TRPM3: variants seen among roughly 807,000 people sequenced by gnomAD.
TRPM3 encodes transient receptor potential cation channel subfamily M member 3, also known as long transient receptor potential channel 3.
A neutral mutation model predicts 181.2 loss-of-function variants in TRPM3; 77 were observed. That is an observed-to-expected ratio of 0.42 (90% CI 0.35 to 0.51). The LOEUF (loss-of-function observed/expected upper bound fraction) is 0.51, where lower values mean the gene tolerates loss of function less well. TRPM3 is among the 20% of genes least tolerant of loss of function. The pLI is 0.01. For missense variants in TRPM3, 1,759 were observed against 2,196.7 expected (o/e 0.80, Z 3.98); for synonymous variants, 745 against 796.4 (o/e 0.94, Z 1.09).
At chr9:70,633,837 C>A (rs1397000454) in intron 12 of TRPM3, among the ~76,000 whole-genome samples, 1 of 152,140 alleles carries the variant, frequency 6.6e-6, no homozygotes, top group Non-Finnish European at 1.5e-5. Context: ...GTCCTGTGGA[C>A]TTTGGTGAAG....
At position 70,848,715 on chromosome 9, in the gene TRPM3, C is replaced by T. The variant is rs574495318; in HGVS notation, c.463-2124G>A. ...TTACCTGGCCGGGCGCGGTGGCTCA[C>T]GCCTGTAATCCCAGCACTTTGGGAG... On this transcript the variant is annotated intron_variant, in intron 3 of 25. Transcript: ENST00000677713. 5.9e-4 allele frequency among the ~76,000 whole-genome samples: 17 copies of T among 28,788 alleles called. 5 individuals are homozygous for T. In the South Asian group the frequency reaches 0.017, roughly 28 times the overall value. The allele number at this position is 28,788 out of a possible 152,430, so 18.9% of individuals were successfully genotyped here.
At chr9:71,181,362 C>G (rs1178683467) in intron 1 of TRPM3, among the ~76,000 whole-genome samples, 1 of 96,426 alleles carries the variant, frequency 1.0e-5, no homozygotes, top group Admixed American at 1.6e-4. Flanking sequence ...GAATGGGAAA[C>G]TGCAATTTTT....
intron 1 of TRPM3, among the ~76,000 whole-genome samples, chr9:70,935,062 T>C (rs1272472860): frequency 6.6e-6 from 1 of 152,158 alleles, no homozygotes; most frequent in African/African-American, 2.4e-5. Flanking sequence ...TCATCTTCCA[T>C]CACTTCCCCA....
intron 22 of TRPM3, among the ~76,000 whole-genome samples, chr9:70,574,544 T>C (rs1337611190): frequency 6.6e-6 from 1 of 152,238 alleles, no homozygotes; most frequent in African/African-American, 2.4e-5. Flanking sequence ...CTTCATCACA[T>C]ACTTAGCAGA....
intron 1 of TRPM3, among the ~76,000 whole-genome samples, chr9:71,156,240 T>G (rs2075993051): frequency 6.6e-6 from 1 of 152,026 alleles, no homozygotes; most frequent in South Asian, 2.1e-4. Flanking sequence ...TTTTCCTGGT[T>G]TGAATACTAA....
At chr9:70,893,693 C>T (rs185654446) in intron 1 of TRPM3, among the ~76,000 whole-genome samples, 7 of 152,236 alleles carry the variant, frequency 4.6e-5, no homozygotes, top group East Asian at 1.9e-4. Context: ...GGAAGCAAAG[C>T]GCCCTCCTCC....
intron 1 of TRPM3, among the ~76,000 whole-genome samples, chr9:71,324,581 T>A (rs1464860448): frequency 6.6e-6 from 1 of 151,672 alleles, no homozygotes; most frequent in East Asian, 1.9e-4. Flanking sequence ...AAACTAAAAA[T>A]AAAATTACCA....
rs559735995 is a variant in TRPM3, at chr9:70,583,315, C to T, written c.3223+7716G>A. ...AGTGAACGCTACACTTCATAGCTTGCGCATGCTTTGCGGGCTCAGGCTACA... is the reference window on the plus strand; with the variant it reads ...AGTGAACGCTACACTTCATAGCTTGTGCATGCTTTGCGGGCTCAGGCTACA... On this transcript the variant is annotated intron_variant, in intron 22 of 25. Transcript: ENST00000677713. Among the ~76,000 whole-genome samples, 21 of 152,326 alleles carry T rather than the reference C, an allele frequency of 1.4e-4. No individual in the cohort carries two copies. In the South Asian group the frequency reaches 2.3e-3, roughly 17 times the overall value.
chr9:71,295,949 G>C (rs2086226146), intron 1 of TRPM3, among the ~76,000 whole-genome samples: 1 of 152,100 alleles, frequency 6.6e-6, no homozygotes, highest in South Asian at 2.1e-4. Flanking sequence ...TGAGATCCAG[G>C]CTCCAGCCCT....
intron 1 of TRPM3, among the ~76,000 whole-genome samples, chr9:71,186,622 C>T (rs891810474): frequency 2.0e-5 from 3 of 151,862 alleles, no homozygotes; most frequent in African/African-American, 7.3e-5. Flanking sequence ...CAGCCCAGAC[C>T]AAGTTAGGGA....
chr9:71,083,528 T>G (rs1461427073), intron 1 of TRPM3, among the ~76,000 whole-genome samples: 1 of 152,052 alleles, frequency 6.6e-6, no homozygotes, highest in Non-Finnish European at 1.5e-5. Flanking sequence ...CACAATGCTC[T>G]GACTATACAC....
chr9:70,678,318 G>A (rs546177846), intron 9 of TRPM3, among the ~76,000 whole-genome samples: 1 of 151,674 alleles, frequency 6.6e-6, no homozygotes, highest in Non-Finnish European at 1.5e-5. Context: ...CCTAGGCTGG[G>A]GTGCAGTGGT....
chr9:71,037,750 C>T (rs2058378149), intron 1 of TRPM3, among the ~76,000 whole-genome samples: 1 of 152,178 alleles, frequency 6.6e-6, no homozygotes, highest in Non-Finnish European at 1.5e-5. Context: ...CAGATGTAAT[C>T]AGTAATATGC....
At chr9:71,198,083 T>G (rs1354725265) in intron 1 of TRPM3, among the ~76,000 whole-genome samples, 2 of 148,194 alleles carry the variant, frequency 1.3e-5, no homozygotes, top group African/African-American at 4.9e-5. Flanking sequence ...TTCAGCTTTC[T>G]ACATATGGCT....
At chr9:71,151,276 T>C (rs989811177) in intron 1 of TRPM3, among the ~76,000 whole-genome samples, 2 of 151,986 alleles carry the variant, frequency 1.3e-5, no homozygotes, top group African/African-American at 2.4e-5. Context: ...TTTTCCAATA[T>C]GGAAAGAGTT....
At chr9:70,547,563 A>G (rs552766828) in intron 25 of TRPM3, among the ~76,000 whole-genome samples, 1 of 150,708 alleles carries the variant, frequency 6.6e-6, no homozygotes, top group African/African-American at 2.4e-5. Flanking sequence ...ACCCAACAAC[A>G]ATGACAACAA....
chr9:71,265,362 T>C lies in TRPM3; in HGVS notation c.183+181291A>G, dbSNP rs1207361010. ...TGCAGCTTATTAAATTTATTGCTCA[T>C]AGTATTTGCAAGAGGAAATCATTTG... On this transcript the variant is annotated intron_variant, in intron 1 of 24. Transcript: ENST00000357533. 5.3e-5 allele frequency among the ~76,000 whole-genome samples: 8 copies of C among 152,208 alleles called. 1 individual carries two copies. Among genetic ancestry groups the C allele is most frequent in the Admixed American group, 5.2e-4 (8 of 15,284 alleles).
rs189696385 is a variant in TRPM3 at position 71,138,236 on chromosome 9, G to A, written c.184-273725C>T. ...TTGCTTTCTCAAACTCACACACTGG[G>A]GTCCATATCAAAGGTCTCTATGGCA... On this transcript the variant is annotated intron_variant, in intron 1 of 24. Coordinates refer to the TRPM3 transcript ENST00000357533. Among the ~76,000 whole-genome samples, 478 of 152,146 alleles carry A rather than the reference G, an allele frequency of 3.1e-3. 1 individual carries two copies. The highest frequency in any genetic ancestry group is 0.011 in the African/African-American group (457 of 41,500).
intron 1 of TRPM3, among the ~76,000 whole-genome samples, chr9:71,394,668 T>C (rs1318323455): frequency 6.6e-6 from 1 of 152,224 alleles, no homozygotes; most frequent in Non-Finnish European, 1.5e-5. Context: ...TGATGTATGA[T>C]CTGCCTATGT....
Sources: allele counts gnomAD v4.1 joint callset (sites outside exome capture counted in the v4.1 genomes callset), GRCh38; gene constraint gnomAD v4.1.1; transcripts MANE v1.5; gene names NCBI Gene and HGNC (gene_info 2026-07-23, HGNC 2026-07-21).